PCDH9: variants seen among roughly 807,000 people sequenced by gnomAD.
PCDH9 encodes protocadherin-9.
PCDH9 carries 24 observed loss-of-function variants against 70.6 expected under a neutral mutation model. The ratio of observed to expected loss-of-function variants is 0.34; its 90% CI spans 0.25 to 0.48. The LOEUF (loss-of-function observed/expected upper bound fraction) is 0.48, where lower values mean the gene tolerates loss of function less well. Among genes scored for constraint, PCDH9 ranks in the 20% least tolerant of loss-of-function variants. PCDH9 has a pLI of 0.99. For missense variants in PCDH9, 1,281 were observed against 1,503.6 expected, an observed-to-expected ratio of 0.85 and a Z score of 2.45; for synonymous variants, 562 against 558.5, an observed-to-expected ratio of 1.01 and a Z score of -0.09.
chr13:67,089,479 T>C (rs2086173728), intron 2 of PCDH9, among the ~76,000 whole-genome samples: 1 of 151,998 alleles, frequency 6.6e-6, no homozygotes, highest in Non-Finnish European at 1.5e-5. Flanking sequence ...GTACTTATTT[T>C]TCCACATATA....
chr13:66,803,799 G>A (rs1006449669), intron 3 of PCDH9, among the ~76,000 whole-genome samples: 5 of 152,178 alleles, frequency 3.3e-5, no homozygotes, highest in African/African-American at 2.4e-5. Context: ...CCTTTGCTTA[G>A]TAAACTATTT....
chr13:66,620,410 G>T (rs1465125342), intron 4 of PCDH9, among the ~76,000 whole-genome samples: 1 of 152,168 alleles, frequency 6.6e-6, no homozygotes, highest in African/African-American at 2.4e-5. Flanking sequence ...AAGAAACTGA[G>T]ATTTTAACTT....
intron 4 of PCDH9, among the ~76,000 whole-genome samples, chr13:66,576,372 G>A (rs912398895): frequency 1.1e-4 from 16 of 151,948 alleles, no homozygotes; most frequent in African/African-American, 3.6e-4. Flanking sequence ...GTCCATAATC[G>A]TAGCAATGAA....
chr13:66,945,359 C>T (rs1405790799), intron 2 of PCDH9, among the ~76,000 whole-genome samples: 1 of 152,044 alleles, frequency 6.6e-6, no homozygotes, highest in Non-Finnish European at 1.5e-5. Flanking sequence ...GTGCCATATT[C>T]TTATGGTACT....
At chr13:66,510,731 T>C (rs1357535337) in intron 4 of PCDH9, among the ~76,000 whole-genome samples, 2 of 152,236 alleles carry the variant, frequency 1.3e-5, no homozygotes, top group Non-Finnish European at 2.9e-5. Context: ...GGTGTATATT[T>C]GCCACATTTT....
At chr13:67,101,879 T>G (rs754873735) in intron 2 of PCDH9, among the ~76,000 whole-genome samples, 1 of 152,148 alleles carries the variant, frequency 6.6e-6, no homozygotes. Flanking sequence ...AAGGCTGTTA[T>G]GGAATGGAAT....
rs114447109 is a variant in PCDH9 at position 66,525,952 on chromosome 13, A to G, written c.3340+105258T>C. Among the ~76,000 whole-genome samples the G allele has an allele frequency of 3.1e-3, 475 of 152,132 alleles. 2 individuals are homozygous for G. Among genetic ancestry groups the G allele is most frequent in the African/African-American group, 0.011 (443 of 41,544 alleles). On this transcript the variant is annotated intron_variant, in intron 4 of 4. Transcript: ENST00000377865. ...TGTTTAAATCCTTCCATTTATTTGT[A>G]TATACTCTGTACAGCTGTTCCCTTT... is the stretch of plus-strand genomic sequence containing the variant.
At chr13:67,211,740 T>C (rs1217301606) in intron 2 of PCDH9, 1 of 152,108 alleles carries the variant, frequency 6.6e-6, no homozygotes, top group Non-Finnish European at 1.5e-5. Context: ...TTCCTTGAAG[T>C]ACTGTGATAA....
At chr13:66,329,958 AC>A (rs1231150941) in intron 4 of PCDH9, among the ~76,000 whole-genome samples, 1 of 152,202 alleles carries the variant, frequency 6.6e-6, no homozygotes, top group Non-Finnish European at 1.5e-5. Flanking sequence ...ACAATAAAAA[AC>A]ATCTGGTAGC....
At position 66,730,167 on chromosome 13, in the gene PCDH9, A is replaced by G. The variant is rs1445318192; in HGVS notation, c.3139-98756T>C. ...ATTAATTCTACTGACAAGATTTTATATATGCATTCATTTTTTTCATATCCT... is the reference window on the plus strand; with the variant it reads ...ATTAATTCTACTGACAAGATTTTATGTATGCATTCATTTTTTTCATATCCT... On this transcript the variant is annotated intron_variant, in intron 3 of 4. Transcript: ENST00000377865. Among the ~76,000 whole-genome samples the G allele has an allele frequency of 3.3e-5, 5 of 152,150 alleles. No individual in the cohort carries two copies. In the East Asian group the frequency reaches 9.6e-4, roughly 29 times the overall value.
intron 4 of PCDH9, among the ~76,000 whole-genome samples, chr13:66,624,268 T>G (rs2077470809): frequency 6.6e-6 from 1 of 152,258 alleles, no homozygotes; most frequent in African/African-American, 2.4e-5. Context: ...TACCATTTTC[T>G]TAGAATTAAT....
At chr13:66,504,142 T>A (rs1055341985) in intron 4 of PCDH9, among the ~76,000 whole-genome samples, 19 of 152,358 alleles carry the variant, frequency 1.2e-4, no homozygotes, top group African/African-American at 4.6e-4. Flanking sequence ...TCTTTCAGGT[T>A]GCTGGTAAAT....
chr13:66,931,826 T>C (rs376567550), intron 2 of PCDH9, among the ~76,000 whole-genome samples: 19 of 152,230 alleles, frequency 1.2e-4, no homozygotes, highest in African/African-American at 4.3e-4. Context: ...AATGACAATA[T>C]GGTTACCAAT....
chr13:66,630,465 T>C (rs1199438056), intron 4 of PCDH9, among the ~76,000 whole-genome samples: 2 of 152,170 alleles, frequency 1.3e-5, no homozygotes, highest in African/African-American at 2.4e-5. Context: ...GCATTAGCAC[T>C]TGCCCAAGAT....
At chr13:66,806,256 G>C (rs1272164876) in intron 3 of PCDH9, among the ~76,000 whole-genome samples, 1 of 152,036 alleles carries the variant, frequency 6.6e-6, no homozygotes, top group Non-Finnish European at 1.5e-5. Context: ...TTGGCATTGG[G>C]AGTGATTCAG....
intron 2 of PCDH9, among the ~76,000 whole-genome samples, chr13:67,139,192 T>A (rs2087310195): frequency 6.6e-6 from 1 of 152,194 alleles, no homozygotes; most frequent in African/African-American, 2.4e-5. Flanking sequence ...TCTGAAACAT[T>A]AACTGAAGAC....
At chr13:67,048,103 A>T (rs1300241833) in intron 2 of PCDH9, among the ~76,000 whole-genome samples, 1 of 152,178 alleles carries the variant, frequency 6.6e-6, no homozygotes, top group East Asian at 1.9e-4. Context: ...TAGGACTCTA[A>T]ACTGTGAATA....
chr13:66,407,062 A>C (rs1047733716), intron 4 of PCDH9, among the ~76,000 whole-genome samples: 92 of 152,270 alleles, frequency 6.0e-4, no homozygotes, highest in African/African-American at 2.0e-3. Flanking sequence ...CACAGATCTC[A>C]CTTATAGTCT....
At chr13:66,563,600 A>T (rs747713199) in intron 4 of PCDH9, among the ~76,000 whole-genome samples, 1 of 152,126 alleles carries the variant, frequency 6.6e-6, no homozygotes, top group Non-Finnish European at 1.5e-5. Context: ...CCCTGATCTC[A>T]CCACTTACCA....
Sources: gnomAD v4.1 joint callset for allele counts (sites outside exome capture counted in the v4.1 genomes callset) on GRCh38, gnomAD v4.1.1 for gene constraint, MANE v1.5 for transcripts, NCBI Gene and HGNC (gene_info 2026-07-23, HGNC 2026-07-21) for gene names.